APP: variants seen among roughly 807,000 people sequenced by gnomAD.
The protein encoded by APP is amyloid-beta precursor protein.
A neutral mutation model predicts 101.4 loss-of-function variants in APP; 31 were observed. The observed-to-expected ratio is 0.31, with a 90% CI of 0.23 to 0.41. APP has a LOEUF of 0.41. APP is among the 10% of genes least tolerant of loss of function. APP has a pLI of 1.00. For missense variants in APP, 839 were observed against 1,003.7 expected (o/e 0.84, Z 2.22); for synonymous variants, 366 against 364.4 (o/e 1.00, Z -0.05).
chr21:25,906,270 T>C (rs891487533), intron 14 of APP, among the ~76,000 whole-genome samples: 1 of 152,232 alleles, frequency 6.6e-6, no homozygotes, highest in Non-Finnish European at 1.5e-5. Flanking sequence ...AATAAAAATT[T>C]GGTCCTTTCT....
chr21:25,954,060 A>T (rs749854596), intron 13 of APP, among the ~76,000 whole-genome samples: 25 of 152,246 alleles, frequency 1.6e-4, no homozygotes, highest in Non-Finnish European at 2.6e-4. Context: ...CTCAGCCATC[A>T]AAGAGAATTG....
At chr21:26,136,789 G>A (rs992213983) in intron 1 of APP, among the ~76,000 whole-genome samples, 1 of 151,940 alleles carries the variant, frequency 6.6e-6, no homozygotes, top group Non-Finnish European at 1.5e-5. Flanking sequence ...TTTAAGTCTT[G>A]GCCCTGACTC....
At chr21:26,083,187 T>A (rs2061632045) in intron 3 of APP, among the ~76,000 whole-genome samples, 1 of 152,198 alleles carries the variant, frequency 6.6e-6, no homozygotes, top group Non-Finnish European at 1.5e-5. Flanking sequence ...ATTCCGCCAA[T>A]AACTGTTATA....
chr21:25,891,194 G>A (rs143975199), intron 17 of APP, among the ~76,000 whole-genome samples: 1 of 152,208 alleles, frequency 6.6e-6, no homozygotes, highest in African/African-American at 2.4e-5. Context: ...GTTTTGGTGG[G>A]CCATTTGGTA....
chr21:26,092,506 C>A (rs1041971990), intron 2 of APP, among the ~76,000 whole-genome samples: 2 of 152,056 alleles, frequency 1.3e-5, no homozygotes, highest in African/African-American at 4.8e-5. Context: ...GTGGTTGCCA[C>A]GGGTTTGGGT....
intron 5 of APP, among the ~76,000 whole-genome samples, chr21:26,043,522 T>A (rs926448894): frequency 1.3e-5 from 2 of 152,192 alleles, no homozygotes; most frequent in Admixed American, 6.5e-5. Flanking sequence ...TGAGCCACCA[T>A]GCCTGGCCTA....
intron 8 of APP, among the ~76,000 whole-genome samples, chr21:25,988,978 C>T (rs2042752497): frequency 6.6e-6 from 1 of 152,110 alleles, no homozygotes; most frequent in South Asian, 2.1e-4. Flanking sequence ...ATTCTCAATA[C>T]CTGCCAGAGC....
At chr21:25,951,387 G>A (rs183078672) in intron 13 of APP, among the ~76,000 whole-genome samples, 24 of 152,254 alleles carry the variant, frequency 1.6e-4, no homozygotes, top group African/African-American at 5.5e-4. Context: ...TATCCATAAA[G>A]CAACTGTTAC....
intron 14 of APP, among the ~76,000 whole-genome samples, chr21:25,910,408 G>A (rs1191787671): frequency 6.6e-6 from 1 of 152,150 alleles, no homozygotes; most frequent in Non-Finnish European, 1.5e-5. Context: ...GCGATTACAG[G>A]CGTGACCCAC....
intron 3 of APP, among the ~76,000 whole-genome samples, chr21:26,066,718 A>G (rs1167255843): frequency 2.0e-5 from 3 of 151,248 alleles, no homozygotes; most frequent in African/African-American, 7.3e-5. Context: ...TTTGGCACCA[A>G]CTTAAGGACT....
chr21:25,939,319 A>G (rs901010570), intron 13 of APP, among the ~76,000 whole-genome samples: 1 of 152,218 alleles, frequency 6.6e-6, no homozygotes, highest in African/African-American at 2.4e-5. Context: ...ATTTGCATAC[A>G]ATATTAGACT....
At chr21:26,114,320 A>G (rs1474127605) in intron 1 of APP, among the ~76,000 whole-genome samples, 2 of 152,178 alleles carry the variant, frequency 1.3e-5, no homozygotes, top group Non-Finnish European at 2.9e-5. Context: ...AAGGCCCCCA[A>G]TAGTCCCTGC....
intron 5 of APP, among the ~76,000 whole-genome samples, chr21:26,027,914 G>T (rs1377933534): frequency 6.6e-6 from 1 of 152,126 alleles, no homozygotes; most frequent in African/African-American, 2.4e-5. Context: ...CATGACTCAG[G>T]CCTGAGGAGG....
chr21:25,964,700 A>C (rs1467635456), intron 11 of APP, among the ~76,000 whole-genome samples: 1 of 150,644 alleles, frequency 6.6e-6, no homozygotes, highest in Non-Finnish European at 1.5e-5. Context: ...ACCCGGGTTC[A>C]AGCGATTCTC....
intron 13 of APP, among the ~76,000 whole-genome samples, chr21:25,924,560 A>C (rs576228116): frequency 1.3e-5 from 2 of 151,968 alleles, no homozygotes; most frequent in African/African-American, 4.8e-5. Flanking sequence ...GGAGCTGAAC[A>C]ATGAGAACAC....
At chr21:26,103,501 T>C (rs1173916776) in intron 2 of APP, among the ~76,000 whole-genome samples, 1 of 152,022 alleles carries the variant, frequency 6.6e-6, no homozygotes, top group East Asian at 1.9e-4. Flanking sequence ...CTCAGGAGGC[T>C]GAGGCATGAG....
At chr21:25,904,232 C>T (rs1406966728) in intron 15 of APP, among the ~76,000 whole-genome samples, 1 of 152,156 alleles carries the variant, frequency 6.6e-6, no homozygotes, top group Non-Finnish European at 1.5e-5. Context: ...AAAGCACTGG[C>T]TACTATCAGT....
intron 2 of APP, among the ~76,000 whole-genome samples, chr21:26,098,089 A>G (rs894125538): frequency 5.4e-4 from 81 of 149,174 alleles, no homozygotes; most frequent in African/African-American, 1.9e-3. Flanking sequence ...CAGAAAAAAA[A>G]AAAAAAAAAA....
At chr21:25,896,002 G>C (rs924201717) in intron 16 of APP, among the ~76,000 whole-genome samples, 8 of 152,200 alleles carry the variant, frequency 5.3e-5, no homozygotes, top group Admixed American at 2.0e-4. Context: ...TAGTGTAATT[G>C]TGGGGATGGG....
Sources: gnomAD v4.1 joint callset for allele counts (sites outside exome capture counted in the v4.1 genomes callset) on GRCh38, gnomAD v4.1.1 for gene constraint, MANE v1.5 for transcripts, NCBI Gene and HGNC (gene_info 2026-07-23, HGNC 2026-07-21) for gene names.